COL12A1: variants seen among roughly 807,000 people sequenced by gnomAD.
The protein encoded by COL12A1 is collagen type XII alpha 1 chain, also known as collagen alpha-1(XII) chain.
A neutral mutation model predicts 349.7 loss-of-function variants in COL12A1; 114 were observed. The observed-to-expected ratio is 0.33, with a 90% CI of 0.28 to 0.38. The LOEUF is 0.38. Ranked by LOEUF, COL12A1 falls within the 10% of genes least tolerant of loss-of-function variation. The pLI is 1.00. For synonymous variants in COL12A1, 1,369 were observed against 1,329.0 expected (o/e 1.03, Z -0.66); for missense variants, 3,284 against 3,756.9 (o/e 0.87, Z 3.29).
chr6:75,163,847 C>T (rs1038690867), intron 14 of COL12A1, among the ~76,000 whole-genome samples: 1 of 152,006 alleles, frequency 6.6e-6, no homozygotes, highest in African/African-American at 2.4e-5. Flanking sequence ...TTTTAAATTC[C>T]AAATAATTAT....
intron 2 of COL12A1, among the ~76,000 whole-genome samples, chr6:75,198,128 G>A (rs1356722934): frequency 1.3e-5 from 2 of 152,128 alleles, no homozygotes; most frequent in Admixed American, 6.5e-5. Flanking sequence ...GTTTTCTACT[G>A]TACTAGATTA....
At position 75,126,277 on chromosome 6, in the gene COL12A1, G is replaced by C. The variant is rs79956561; in HGVS notation, c.6460+74C>G. ...CTCTCAGGAGAACCCAACAGTGGGG[G>C]ATGAAAGAGAAAATACCCTCATATG... On this transcript the variant is annotated intron_variant, in intron 39 of 65. Coordinates refer to ENST00000322507, the MANE Select transcript of COL12A1 (RefSeq NM_004370.6). The C allele has an allele frequency of 7.3e-6, 11 of 1,507,980 alleles. No individual in the cohort carries two copies. The East Asian group carries it at 2.4e-4, about 33-fold the overall frequency. 93.4% of individuals were successfully genotyped at this position (1,507,980 alleles called of 1,614,324 possible). A position where few individuals can be genotyped will look rare whatever the true frequency, so the allele number is the denominator to read the frequency against.
In COL12A1 at chr6:75,090,882, T is replaced by C. The variant is rs1422202860; in HGVS notation, c.8752+441A>G. Reference sequence around the variant, plus strand: ...TTAAGACTTCTCTAAGAGTGAGTTATGGGTTTAAGGCCCACACCAGTCTGC... The same window carrying C: ...TTAAGACTTCTCTAAGAGTGAGTTACGGGTTTAAGGCCCACACCAGTCTGC... On this transcript the variant is annotated intron_variant, in intron 62 of 65. Coordinates refer to ENST00000322507, the MANE Select transcript of COL12A1 (RefSeq NM_004370.6). This position sits in a 1 kb window ranked among gnomAD's most constrained non-coding sequence, Gnocchi z 4.1. Among the ~76,000 whole-genome samples, 2 of 152,196 alleles carry C rather than the reference T, an allele frequency of 1.3e-5. No homozygotes were observed. Among genetic ancestry groups the C allele is most frequent in the Non-Finnish European group, 2.9e-5 (2 of 68,044 alleles).
Position 75,085,127 on chromosome 6 carries a change from G to A in COL12A1, c.*1420C>T. ...AGAAAAGACGTACACTGCTCTATCTGACCTGTAAATGAGAATTTCAACACC... is the reference window on the plus strand; with the variant it reads ...AGAAAAGACGTACACTGCTCTATCTAACCTGTAAATGAGAATTTCAACACC... On this transcript the variant is annotated 3_prime_UTR_variant, in exon 66 of 66. Coordinates refer to ENST00000322507, the MANE Select transcript of COL12A1 (RefSeq NM_004370.6). 2.3e-6 allele frequency: 1 copy of A among 428,930 alleles called. No individual in the cohort carries two copies. The highest frequency in any genetic ancestry group is 1.7e-5 in the South Asian group (1 of 60,168). The allele number at this position is 428,930 out of a possible 1,614,324, so 26.6% of individuals were successfully genotyped here. A position where few individuals can be genotyped will look rare whatever the true frequency, so the allele number is the denominator to read the frequency against.
In COL12A1 at chr6:75,115,804, C is replaced by G; in HGVS notation, c.7677G>C (p.Ala2559=). The G allele has an allele frequency of 6.2e-7, 1 of 1,612,024 alleles. No homozygotes were observed. ...CTTACGCTGTAGGCTGATTCACAAA[C>G]GCATTCTTCTGAATCCTGTATGCTG... ...SYSAYRIQKN[A]FVNQPTADLH... Residue 2559 remains alanine (A), a synonymous_variant, in exon 49 of 66, where the codon GCG becomes GCC. Transcript: ENST00000322507.
intron 2 of COL12A1, among the ~76,000 whole-genome samples, chr6:75,196,397 A>C (rs1241812291): frequency 1.3e-5 from 2 of 152,246 alleles, no homozygotes; most frequent in African/African-American, 4.8e-5. Flanking sequence ...AGATTTATGT[A>C]ATATTAATAA....
chr6:75,201,856 G>C (rs1770544799), intron 2 of COL12A1, among the ~76,000 whole-genome samples: 1 of 151,908 alleles, frequency 6.6e-6, no homozygotes, highest in South Asian at 2.1e-4. Flanking sequence ...TCTAGAGGAG[G>C]GGCCACACGG....
At chr6:75,137,131 G>A (rs1174870818) in intron 31 of COL12A1, among the ~76,000 whole-genome samples, 2 of 152,116 alleles carry the variant, frequency 1.3e-5, no homozygotes, top group Admixed American at 1.3e-4. Flanking sequence ...AAAACTATCT[G>A]GATATCGTCA....
In COL12A1 at chr6:75,175,249, A is replaced by G. The variant is rs1013417237; in HGVS notation, c.2499T>C (p.Ser833=). 5.6e-6 allele frequency: 9 copies of G among 1,614,110 alleles called. No homozygotes were observed. In the African/African-American group the frequency reaches 9.3e-5, roughly 17 times the overall value. The change falls in exon 13 of 66, where the codon TCT becomes TCC. Residue 833 remains serine (S), a synonymous_variant. Transcript: ENST00000322507. ...TCACTTTTCCTGGTGCCCCACTCCA[A>G]GATAATTTCATAGTAGACGTCGTAG... The part of the protein sequence containing the change: ...SDPTTSTMKL[S]WSGAPGKVKQ...
chr6:75,144,051 T>C (rs1265486703), intron 25 of COL12A1, among the ~76,000 whole-genome samples: 6 of 152,220 alleles, frequency 3.9e-5, no homozygotes, highest in Admixed American at 3.9e-4. Context: ...ATTCTGACTC[T>C]TTACATCTGT....
At chr6:75,134,975 T>A in intron 31 of COL12A1, 120 bp from the exon 32 acceptor site, 1 of 1,049,454 alleles carries the variant, frequency 9.5e-7, no homozygotes, top group Non-Finnish European at 1.3e-6. Context: ...CAGAATTACA[T>A]ACCACAGTCA....
chr6:75,118,962 A>C (rs1183349747), intron 46 of COL12A1, 81 bp downstream of exon 46: 1 of 1,577,398 alleles, frequency 6.3e-7, no homozygotes, highest in African/African-American at 1.3e-5. Flanking sequence ...TAACATCAGC[A>C]AATTTAGTCT....
intron 25 of COL12A1, among the ~76,000 whole-genome samples, chr6:75,144,993 A>G (rs1454521703): frequency 2.6e-5 from 4 of 152,202 alleles, no homozygotes; most frequent in African/African-American, 9.6e-5. Context: ...TCATGGATCT[A>G]GGATAACATC....
At chr6:75,097,224 C>T in intron 59 of COL12A1, 29 bp downstream of exon 59, 2 of 1,608,866 alleles carry the variant, frequency 1.2e-6, no homozygotes, top group Non-Finnish European at 1.7e-6. Flanking sequence ...GAGTGAAGGG[C>T]ACAAAAATGA....
At position 75,175,069 on chromosome 6, in the gene COL12A1, G is replaced by A. The variant is rs747852589; in HGVS notation, c.2679C>T (p.Asp893=). 3.7e-5 allele frequency: 59 copies of A among 1,613,952 alleles called. No individual in the cohort carries two copies. Among genetic ancestry groups the A allele is most frequent in the Middle Eastern group, 1.6e-4 (1 of 6,084 alleles). ...VTALYASGAG[D]ALFGEGTTLE... The stretch of plus-strand genomic sequence containing the variant: ...GTGTTGTTCCTTCACCAAAGAGGGC[G>A]TCTCCAGCCCCAGACGCATACAAGG... The change falls in exon 13 of 66, where the codon GAC becomes GAT. Residue 893 remains aspartate (D), a synonymous_variant. Transcript: ENST00000322507.
At chr6:75,169,451 C>T (rs1441925435) in intron 13 of COL12A1, among the ~76,000 whole-genome samples, 3 of 152,168 alleles carry the variant, frequency 2.0e-5, no homozygotes, top group Non-Finnish European at 2.9e-5. Context: ...GAAAGCAACC[C>T]TAGTAGACTT....
intron 2 of COL12A1, among the ~76,000 whole-genome samples, chr6:75,202,405 C>T (rs1392250037): frequency 6.6e-6 from 1 of 152,218 alleles, no homozygotes; most frequent in Non-Finnish European, 1.5e-5. Flanking sequence ...GAGCCGTCGC[C>T]CCCTCTCGGG....
rs781375448 is a variant in COL12A1, at chr6:75,189,239, A to G, written c.801T>C (p.Val267=). 1.9e-5 allele frequency: 31 copies of G among 1,612,834 alleles called. No individual in the cohort carries two copies. The Admixed American group carries it at 3.3e-4, about 17-fold the overall frequency. ...TACCCAAGGAGAAAACTTCAACTCC[A>G]ACATTACGAAGCTCTCTTGCTGGAA... ...VEIPARELRN[V]GVEVFSLGIK... is the part of the protein sequence containing the mutation. Residue 267 remains valine, a synonymous_variant, in exon 7 of 66, where the codon GTT becomes GTC. Transcript: ENST00000322507.
At chr6:75,172,133 G>A (rs182350626) in intron 13 of COL12A1, among the ~76,000 whole-genome samples, 14 of 152,230 alleles carry the variant, frequency 9.2e-5, no homozygotes, top group East Asian at 5.8e-4. Context: ...TCAAAGACAC[G>A]TGCGTGTGTG....
Sources: gnomAD v4.1 joint callset for allele counts (sites outside exome capture counted in the v4.1 genomes callset) on GRCh38, gnomAD v4.1.1 for gene constraint, Gnocchi (gnomAD v3.1) non-coding constraint, MANE v1.5 for transcripts, NCBI Gene and HGNC (gene_info 2026-07-23, HGNC 2026-07-21) for gene names.